Variants in EPN1 observed in about 807,000 individuals in gnomAD.
EPN1 encodes the protein epsin-1.
Under a neutral mutation model 56.9 loss-of-function variants are expected in EPN1, and 25 were observed. The ratio of observed to expected loss-of-function variants is 0.44; its 90% CI spans 0.32 to 0.61. The LOEUF (loss-of-function observed/expected upper bound fraction) is 0.61. Ranked by LOEUF, EPN1 falls within the 20% of genes least tolerant of loss-of-function variation. The probability of loss-of-function intolerance (pLI) is 0.05; values close to 1 mark genes in which losing one functional copy is unlikely to be tolerated. For missense variants in EPN1, 785 were observed against 823.7 expected, an observed-to-expected ratio of 0.95 and a Z score of 0.58; for synonymous variants, 411 against 361.8, an observed-to-expected ratio of 1.14 and a Z score of -1.54.
intron 1 of EPN1, chr19:55,677,452 A>T: frequency 1.4e-6 from 1 of 723,702 alleles, no homozygotes; most frequent in South Asian, 1.9e-5. Context: ...AATTTAGGTT[A>T]ATTTAAAAGT....
Position 55,693,018 on chromosome 19 carries a change from G to A in EPN1, c.1245G>A (p.Pro415=), listed in dbSNP as rs747408054. The A allele has an allele frequency of 2.8e-5, 45 of 1,612,988 alleles. No homozygotes were observed. The highest frequency in any genetic ancestry group is 3.0e-5 in the Non-Finnish European group (35 of 1,179,498). ...TTGACCGACTCCGCACGGCACTGCC[G>A]ACCTCCGGGAGCAGCGCAGGTGAGC... is the stretch of plus-strand genomic sequence containing the variant. ...SDFDRLRTAL[P]TSGSSAGELE... is the part of the protein sequence containing the mutation. Residue 415 remains proline (P), a synonymous_variant, in exon 9 of 11, where the codon CCG becomes CCA. Coordinates refer to ENST00000270460, the MANE Select transcript of EPN1 (RefSeq NM_001130072.2).
At chr19:55,693,536 C>T (rs984274445) in intron 9 of EPN1, 2 of 152,986 alleles carry the variant, frequency 1.3e-5, no homozygotes, top group African/African-American at 4.8e-5. Flanking sequence ...TAAGCTGGCG[C>T]CCATCGCCGG....
intron 1 of EPN1, chr19:55,677,658 C>T: frequency 6.4e-7 from 1 of 1,551,660 alleles, no homozygotes; most frequent in Non-Finnish European, 8.7e-7. Context: ...GGTTCCTTAT[C>T]TCTCCTGAGC....
Position 55,695,675 on chromosome 19 carries a change from T to A in EPN1, c.*319T>A, listed in dbSNP as rs949338804. 1 of 377,954 alleles carries A rather than the reference T, an allele frequency of 2.6e-6. No individual in the cohort carries two copies. The highest frequency in any genetic ancestry group is 4.8e-6 in the Non-Finnish European group (1 of 206,968). The allele number at this position is 377,954 out of a possible 1,614,324, so 23.4% of individuals were successfully genotyped here. A position where few individuals can be genotyped will look rare whatever the true frequency, so the allele number is the denominator to read the frequency against. On this transcript the variant is annotated 3_prime_UTR_variant, in exon 11 of 11. Transcript: ENST00000270460. The surrounding 1 kb of genome is among the most constrained non-coding windows in gnomAD (Gnocchi z 4.4). ...CCAGTCAGTGTTTGAGCCTCCTCGT[T>A]CCCCTCACGCACCCGCTCACGCACC...
chr19:55,689,234 G>GCTCTGC lies in EPN1; in HGVS notation c.604-57_604-52dup. The GCTCTGC allele has an allele frequency of 7.7e-7, 1 of 1,299,524 alleles. No homozygotes were observed. The highest frequency in any genetic ancestry group is 1.1e-6 in the Non-Finnish European group (1 of 919,696). 80.5% of individuals were successfully genotyped at this position (1,299,524 alleles called of 1,614,324 possible). ...CTTTCTTCGGCTCTATCTGACCCTG[G>GCTCTGC]CTCTGCCTCTGACTCTGCCTCTGGC... On this transcript the variant is annotated intron_variant, in intron 4 of 10. Coordinates refer to ENST00000270460, the MANE Select transcript of EPN1 (RefSeq NM_001130072.2). The surrounding 1 kb of genome is among the most constrained non-coding windows in gnomAD (Gnocchi z 5.7).
At position 55,705,815 on chromosome 19, in the gene EPN1, A is replaced by ATATATATATATATGTG. The variant is rs1484787604; in HGVS notation, c.*10472_*10473insGTGTATATATATATAT. On this transcript the variant is annotated 3_prime_UTR_variant, in exon 11 of 11. Transcript: ENST00000270460. Reference sequence around the variant, plus strand: ...GAATATTTGTTGTTGTGGGATATATATATATATATATATTTAGAGTGTTGT... The same window carrying ATATATATATATATGTG: ...GAATATTTGTTGTTGTGGGATATATATATATATATATATGTGTATATATATATATTTAGAGTGTTGT... 1 of 123,178 alleles carries ATATATATATATATGTG rather than the reference A, an allele frequency of 8.1e-6. No individual in the cohort carries two copies. Among genetic ancestry groups the ATATATATATATATGTG allele is most frequent in the African/African-American group, 3.9e-5 (1 of 25,580 alleles). The allele number at this position is 123,178 out of a possible 1,614,324, so 7.6% of individuals were successfully genotyped here. A position where few individuals can be genotyped will look rare whatever the true frequency, so the allele number is the denominator to read the frequency against.
At chr19:55,677,077 GAGGCCAGCC>G in intron 1 of EPN1, 3 of 1,529,300 alleles carry the variant, frequency 2.0e-6, no homozygotes, top group Non-Finnish European at 1.8e-6. Context: ...GGTGGAAGCA[GAGGCCAGCC>G]TCTCTCCGTC....
In EPN1 at chr19:55,691,346, A is replaced by G. The variant is rs1039915803; in HGVS notation, c.763-408A>G. ...AGCAGGGGCTGGCCAGTCTGGCTGG[A>G]GAAGGCACGGTGGGCAGAGGGAGGA... is the stretch of plus-strand genomic sequence containing the variant. On this transcript the variant is annotated intron_variant, in intron 6 of 10. Coordinates refer to ENST00000270460, the MANE Select transcript of EPN1 (RefSeq NM_001130072.2). This position sits in a 1 kb window ranked among gnomAD's most constrained non-coding sequence, Gnocchi z 5.6. 6.6e-6 allele frequency among the ~76,000 whole-genome samples: 1 copy of G among 152,104 alleles called. No homozygotes were observed. The highest frequency in any genetic ancestry group is 1.5e-5 in the Non-Finnish European group (1 of 67,970).
chr19:55,705,803 TGTG>T lies in EPN1; in HGVS notation c.*10449_*10451del, dbSNP rs1221704789. 37 of 74,964 alleles carry T rather than the reference TGTG, an allele frequency of 4.9e-4. No individual in the cohort carries two copies. Among genetic ancestry groups the T allele is most frequent in the African/African-American group, 2.7e-3 (36 of 13,366 alleles). The allele number at this position is 74,964 out of a possible 1,614,324, so 4.6% of individuals were successfully genotyped here. On this transcript the variant is annotated 3_prime_UTR_variant, in exon 11 of 11. Coordinates refer to ENST00000270460, the MANE Select transcript of EPN1 (RefSeq NM_001130072.2). ...ACATTGTGGCTGGAATATTTGTTGT[TGTG>T]GGATATATATATATATATATATTTA...
chr19:55,692,464 G>A (rs1012434973), intron 7 of EPN1, among the ~76,000 whole-genome samples: 1 of 151,956 alleles, frequency 6.6e-6, no homozygotes, highest in African/African-American at 2.4e-5. Flanking sequence ...TCTGGCAGAG[G>A]CTGCGGGGAA....
rs545123313 is a variant in EPN1, at chr19:55,704,392, T to C, written c.*9036T>C. ...GTAAGTAAGGTTAAAATGAGGACATTAGGGTGGGTCCTAATCCAATCTGAC... is the reference window on the plus strand; with the variant it reads ...GTAAGTAAGGTTAAAATGAGGACATCAGGGTGGGTCCTAATCCAATCTGAC... On this transcript the variant is annotated 3_prime_UTR_variant, in exon 11 of 11. Coordinates refer to ENST00000270460, the MANE Select transcript of EPN1 (RefSeq NM_001130072.2). The C allele has an allele frequency of 2.0e-5, 3 of 152,322 alleles. No individual in the cohort carries two copies. Among genetic ancestry groups the C allele is most frequent in the African/African-American group, 4.8e-5 (2 of 41,544 alleles). The allele number at this position is 152,322 out of a possible 1,614,324, so 9.4% of individuals were successfully genotyped here.
Position 55,704,802 on chromosome 19 carries a change from C to G in EPN1, c.*9446C>G, listed in dbSNP as rs1371121275. 6.6e-6 allele frequency: 1 copy of G among 152,612 alleles called. No individual in the cohort carries two copies. Among genetic ancestry groups the G allele is most frequent in the African/African-American group, 2.4e-5 (1 of 41,442 alleles). 9.5% of individuals were successfully genotyped at this position (152,612 alleles called of 1,614,324 possible). On this transcript the variant is annotated 3_prime_UTR_variant, in exon 11 of 11. Coordinates refer to ENST00000270460, the MANE Select transcript of EPN1 (RefSeq NM_001130072.2). Reference sequence around the variant, plus strand: ...CTGGGCCCCCTGCTCCAGCACCGCTCCCTTCCTTCTGTAATACAGACAACA... The same window carrying G: ...CTGGGCCCCCTGCTCCAGCACCGCTGCCTTCCTTCTGTAATACAGACAACA...
intron 2 of EPN1, among the ~76,000 whole-genome samples, chr19:55,682,023 C>G (rs1302718908): frequency 1.3e-5 from 2 of 151,352 alleles, no homozygotes; most frequent in African/African-American, 2.4e-5. Flanking sequence ...CCAGGCTGGT[C>G]TTGAACTCCT....
Position 55,698,244 on chromosome 19 carries a change from A to G in EPN1, c.*2888A>G, listed in dbSNP as rs1045063853. ...CCTCAGGTTTGGCTAAGCAAGAGTCATGGTGGTGCTCCCGGCTGGCTCTCA... is the reference window on the plus strand; with the variant it reads ...CCTCAGGTTTGGCTAAGCAAGAGTCGTGGTGGTGCTCCCGGCTGGCTCTCA... On this transcript the variant is annotated 3_prime_UTR_variant, in exon 11 of 11. Transcript: ENST00000270460. 2 of 152,064 alleles carry G rather than the reference A, an allele frequency of 1.3e-5. No homozygotes were observed. Among genetic ancestry groups the G allele is most frequent in the Non-Finnish European group, 2.9e-5 (2 of 68,106 alleles). The allele number at this position is 152,064 out of a possible 1,614,324, so 9.4% of individuals were successfully genotyped here. A position where few individuals can be genotyped will look rare whatever the true frequency, so the allele number is the denominator to read the frequency against.
In EPN1 at chr19:55,691,297, G is replaced by A. The variant is rs530467445; in HGVS notation, c.763-457G>A. Among the ~76,000 whole-genome samples, 1 of 152,104 alleles carries A rather than the reference G, an allele frequency of 6.6e-6. No individual in the cohort carries two copies. Among genetic ancestry groups the A allele is most frequent in the East Asian group, 1.9e-4 (1 of 5,174 alleles). On this transcript the variant is annotated intron_variant, in intron 6 of 10. Coordinates refer to ENST00000270460, the MANE Select transcript of EPN1 (RefSeq NM_001130072.2). The surrounding 1 kb of genome is among the most constrained non-coding windows in gnomAD (Gnocchi z 5.6). ...CAGGTTGACCTGAGTGGGTTCATGG[G>A]GGGCTTCCCAGGGGAAGGCATGGAG...
In EPN1 at chr19:55,695,181, C is replaced by G; in HGVS notation, c.1556C>G (p.Pro519Arg). The G allele has an allele frequency of 1.2e-6, 2 of 1,613,818 alleles. No homozygotes were observed. ...GPATGPSVTN[P>R]FQPAPPATLT... ...GCCACTGGCCCTTCCGTCACCAACC[C>G]CTTCCAGCCCGCGCCTCCCGCGACG... Residue 519 changes from proline (P) to arginine (R), a missense_variant, in exon 11 of 11, where the codon CCC becomes CGC. This residue lies in a region of EPN1 where 650 missense variants were observed against 605.0 expected (regional missense o/e 1.07). Transcript: ENST00000270460. This position sits in a 1 kb window ranked among gnomAD's most constrained non-coding sequence, Gnocchi z 4.4.
At position 55,692,789 on chromosome 19, in the gene EPN1, C is replaced by T. The variant is rs1986654088; in HGVS notation, c.1170C>T (p.Gly390=). 5 of 1,596,606 alleles carry T rather than the reference C, an allele frequency of 3.1e-6. No homozygotes were observed. The highest frequency in any genetic ancestry group is 1.8e-5 in the Admixed American group (1 of 57,132). The change falls in exon 8 of 11, where the codon GGC becomes GGT. Residue 390 remains glycine (G), a synonymous_variant. Transcript: ENST00000270460. The part of the protein sequence containing the change: ...GGSPAKPSTN[G]TTAAGGFDTE... ...CACCTGCCAAGCCCAGCACCAATGG[C>T]ACAACAGGTACTGGAATGGGGGTGG...
At chr19:55,692,657 G>A (rs1568577913) in intron 7 of EPN1, 29 bp from the exon 8 acceptor site, 15 of 1,433,794 alleles carry the variant, frequency 1.0e-5, no homozygotes, top group Admixed American at 4.9e-5. Context: ...AAGGTTGCCA[G>A]CCCCTCATGC....
rs1287488169 is a variant in EPN1 at position 55,704,923 on chromosome 19, A to C, written c.*9567A>C. On this transcript the variant is annotated 3_prime_UTR_variant, in exon 11 of 11. Transcript: ENST00000270460. ...AATGGTAGACATCATCCACTTCCCAAGCATCTCTGGCTGAATGCTGTTCTC... is the reference window on the plus strand; with the variant it reads ...AATGGTAGACATCATCCACTTCCCACGCATCTCTGGCTGAATGCTGTTCTC... The C allele has an allele frequency of 6.6e-6, 1 of 152,206 alleles. No homozygotes were observed. Among genetic ancestry groups the C allele is most frequent in the South Asian group, 2.1e-4 (1 of 4,832 alleles). 9.4% of individuals were successfully genotyped at this position (152,206 alleles called of 1,614,324 possible). A position where few individuals can be genotyped will look rare whatever the true frequency, so the allele number is the denominator to read the frequency against.
Sources: allele counts gnomAD v4.1 joint callset (sites outside exome capture counted in the v4.1 genomes callset), GRCh38; gene constraint gnomAD v4.1.1; regional missense constraint gnomAD v4.1.1; non-coding constraint Gnocchi (gnomAD v3.1); transcripts MANE v1.5; gene names NCBI Gene and HGNC (gene_info 2026-07-23, HGNC 2026-07-21).